USP34: variants seen among roughly 807,000 people sequenced by gnomAD.
USP34 encodes ubiquitin carboxyl-terminal hydrolase 34.
USP34 carries 70 observed loss-of-function variants against 460.3 expected under a neutral mutation model. The observed-to-expected ratio is 0.15, with a 90% confidence interval of 0.13 to 0.19. The LOEUF is 0.19. Among genes scored for constraint, USP34 ranks in the 10% least tolerant of loss-of-function variants. The probability of loss-of-function intolerance (pLI) is 1.00; values close to 1 mark genes in which losing one functional copy is unlikely to be tolerated. For synonymous variants in USP34, 1,647 were observed against 1,405.3 expected (o/e 1.17, Z -3.85); for missense variants, 3,985 against 4,236.2 (o/e 0.94, Z 1.65).
intron 29 of USP34, among the ~76,000 whole-genome samples, chr2:61,300,175 CCT>C (rs1333073775): frequency 1.3e-5 from 2 of 152,100 alleles, no homozygotes; most frequent in Non-Finnish European, 2.9e-5. Flanking sequence ...ATGTGTTTAT[CCT>C]CTGTTTAAAA....
rs1691908115 is a variant in USP34, at chr2:61,350,323, ACTGAGC to A, written c.1438_1443del (p.Ala480_Gln481del). ...GATGCAAAAGAACTCTGTTTAGATAACTGAGCCTTAGCTGCTAGTGCGTTATTCCAC... is the reference window on the plus strand; with the variant it reads ...GATGCAAAAGAACTCTGTTTAGATAACTTAGCTGCTAGTGCGTTATTCCAC... On this transcript the variant is annotated inframe_deletion, in exon 12 of 80. Coordinates refer to ENST00000398571, the MANE Select transcript of USP34 (RefSeq NM_014709.4). 1.2e-6 allele frequency: 2 copies of A among 1,613,564 alleles called. No homozygotes were observed. The highest frequency in any genetic ancestry group is 1.7e-5 in the Admixed American group (1 of 59,990).
intron 1 of USP34, among the ~76,000 whole-genome samples, chr2:61,440,912 G>A (rs1272772113): frequency 2.6e-5 from 4 of 151,830 alleles, no homozygotes; most frequent in African/African-American, 9.7e-5. Flanking sequence ...TGGATCATGA[G>A]GTCAGGAGAT....
chr2:61,429,229 C>G (rs1431321294), intron 1 of USP34, among the ~76,000 whole-genome samples: 5 of 151,790 alleles, frequency 3.3e-5, no homozygotes, highest in Non-Finnish European at 1.5e-5. Flanking sequence ...AGGCGGATCA[C>G]GAGGTCAGGA....
At chr2:61,405,556 C>T (rs1315350356) in intron 3 of USP34, 152 bp downstream of exon 3, 1 of 817,352 alleles carries the variant, frequency 1.2e-6, no homozygotes. Context: ...GCACAAACTG[C>T]TGAAGAAATG....
At chr2:61,296,743 A>C in intron 30 of USP34, 57 bp downstream of exon 30, 1 of 1,558,746 alleles carries the variant, frequency 6.4e-7, no homozygotes, top group East Asian at 2.3e-5. Flanking sequence ...TACACTGTCA[A>C]TAGGAATGTA....
intron 79 of USP34, 48 bp downstream of exon 79, chr2:61,188,862 C>T: frequency 6.2e-7 from 1 of 1,605,916 alleles, no homozygotes; most frequent in Non-Finnish European, 8.5e-7. Context: ...AAGTGTATTA[C>T]TCCCTCCTCC....
At chr2:61,417,895 C>T (rs1694244638) in intron 2 of USP34, among the ~76,000 whole-genome samples, 1 of 150,566 alleles carries the variant, frequency 6.6e-6, no homozygotes, top group Admixed American at 6.6e-5. Context: ...ATGAGCACCC[C>T]ACGCCTGGCT....
chr2:61,323,249 C>T (rs1047858445), intron 21 of USP34, among the ~76,000 whole-genome samples: 4 of 152,164 alleles, frequency 2.6e-5, no homozygotes, highest in South Asian at 2.1e-4. Context: ...CAGCGGCTCA[C>T]GCCTGTAATC....
At position 61,192,918 on chromosome 2, in the gene USP34, C is replaced by G; in HGVS notation, c.9571G>C (p.Glu3191Gln). 1 of 1,613,792 alleles carries G rather than the reference C, an allele frequency of 6.2e-7. No individual in the cohort carries two copies. Residue 3191 changes from glutamate to glutamine, a missense_variant, in exon 76 of 80, where the codon GAG becomes CAG. Around this residue, in one of 14 missense-constraint regions of USP34, gnomAD observed 506 missense variants for 439.0 expected, o/e 1.15. Coordinates refer to ENST00000398571, the MANE Select transcript of USP34 (RefSeq NM_014709.4). ...HLALFPKLWT[E>Q]LCQTQSAMSK... ...TTCTTTACCTGAGTCTGGCATAGCTCAGTCCAAAGTTTGGGGAACAGTGCA... is the reference window on the plus strand; with the variant it reads ...TTCTTTACCTGAGTCTGGCATAGCTGAGTCCAAAGTTTGGGGAACAGTGCA...
chr2:61,470,668 C>G lies in USP34; in HGVS notation c.25G>C (p.Val9Leu), dbSNP rs1366212953. Residue 9 changes from valine to leucine, a missense_variant, in exon 1 of 80, where the codon GTG becomes CTG. Transcript: ENST00000398571. ...TACTTACTTTCATTTAACACCTCCA[C>G]CAGGTCTGCGCAGTTCTCGCACATC... is the stretch of plus-strand genomic sequence containing the variant. MCENCADL[V>L]EVLNEISDVE... 5 of 1,597,200 alleles carry G rather than the reference C, an allele frequency of 3.1e-6. No homozygotes were observed. The Admixed American group carries it at 6.8e-5, about 22-fold the overall frequency.
In USP34 at chr2:61,394,859, C is replaced by T; in HGVS notation, c.747G>A (p.Val249=). The T allele has an allele frequency of 6.4e-7, 1 of 1,566,280 alleles. No individual in the cohort carries two copies. Residue 249 remains valine (V), a synonymous_variant, in exon 5 of 80, where the codon GTG becomes GTA. Coordinates refer to ENST00000398571, the MANE Select transcript of USP34 (RefSeq NM_014709.4). ...AATTCAAAACAATACTTACATTAGACACAACTGTAATAAACGCATGTGCTA... is the reference window on the plus strand; with the variant it reads ...AATTCAAAACAATACTTACATTAGATACAACTGTAATAAACGCATGTGCTA... ...FLIAHAFITV[V]SNIRIWLHIP...
In USP34 at chr2:61,348,845, T is replaced by G. The variant is rs1691851220; in HGVS notation, c.1585A>C (p.Thr529Pro). ...ASPQSSDNSD[T>P]HQSGGSDIEM... ...ATGTCACTACCTCCACTTTGATGTG[T>G]ATCGCTATTATCACTGCTTTGAGGA... is the stretch of plus-strand genomic sequence containing the variant. Residue 529 changes from threonine (T) to proline (P), a missense_variant, in exon 14 of 80, where the codon ACA (threonine) becomes CCA (proline). By Grantham distance (38) the Thr-to-Pro change is conservative. Transcript: ENST00000398571. The G allele has an allele frequency of 6.2e-7, 1 of 1,613,778 alleles. No homozygotes were observed. Among genetic ancestry groups the G allele is most frequent in the Non-Finnish European group, 8.5e-7 (1 of 1,179,808 alleles).
Position 61,293,983 on chromosome 2 carries a change from C to A in USP34, c.4462-433G>T, listed in dbSNP as rs551874891. ...TCAGCCATGATCATGCCACTGCAAT[C>A]CAGCCTGGGTGACAAGGTGAGACCC... On this transcript the variant is annotated intron_variant, in intron 32 of 79. Transcript: ENST00000398571. Among the ~76,000 whole-genome samples the A allele has an allele frequency of 7.9e-5, 12 of 152,094 alleles. No individual in the cohort carries two copies. In the South Asian group the frequency reaches 2.5e-3, roughly 32 times the overall value.
intron 10 of USP34, among the ~76,000 whole-genome samples, chr2:61,366,351 T>G (rs562777829): frequency 1.3e-5 from 2 of 152,164 alleles, no homozygotes; most frequent in African/African-American, 2.4e-5. Context: ...GGGCTCAGAA[T>G]AAGAGATTTG....
rs1226706758 is a variant in USP34 at position 61,309,502 on chromosome 2, G to C, written c.3817+2038C>G. The stretch of plus-strand genomic sequence containing the variant: ...GGAAAAATGCATTGAGGGTTATCAT[G>C]ACCAAGACCCCTGCTGCCACTGTAC... On this transcript the variant is annotated intron_variant, in intron 27 of 79. Transcript: ENST00000398571. Among the ~76,000 whole-genome samples the C allele has an allele frequency of 2.0e-5, 3 of 152,282 alleles. No individual in the cohort carries two copies. The East Asian group carries it at 5.8e-4, about 29-fold the overall frequency.
At position 61,301,457 on chromosome 2, in the gene USP34, T is replaced by C. The variant is rs769385280; in HGVS notation, c.3818-3A>G. The C allele has an allele frequency of 5.0e-6, 8 of 1,607,828 alleles. No individual in the cohort carries two copies. In the East Asian group the frequency reaches 1.3e-4, roughly 27 times the overall value. ...CCTGACAGGTCCCATGAGGCCTCCT[T>C]AAAAACAGCAAAACATGGAAATGAA... On this transcript the variant is annotated splice_polypyrimidine_tract_variant and splice_region_variant and intron_variant, in intron 27 of 79. Transcript: ENST00000398571.
chr2:61,251,153 ATAAATAAG>A (rs953263298), intron 48 of USP34, among the ~76,000 whole-genome samples: 13 of 152,158 alleles, frequency 8.5e-5, no homozygotes, highest in Admixed American at 5.9e-4. Flanking sequence ...AAATAAATAA[ATAAATAAG>A]TAAATAAATA....
chr2:61,262,782 T>G (rs113525510), intron 43 of USP34, among the ~76,000 whole-genome samples: 8 of 152,254 alleles, frequency 5.3e-5, no homozygotes, highest in Non-Finnish European at 1.2e-4. Flanking sequence ...ATGGCTGAAC[T>G]AATTTACATT....
intron 3 of USP34, among the ~76,000 whole-genome samples, chr2:61,399,102 C>G (rs1269509816): frequency 2.0e-5 from 3 of 151,968 alleles, no homozygotes; most frequent in Non-Finnish European, 4.4e-5. Context: ...TGCCTGTAAT[C>G]CCAACACTTT....
Sources: gnomAD v4.1 joint callset for allele counts (sites outside exome capture counted in the v4.1 genomes callset) on GRCh38, gnomAD v4.1.1 for gene constraint, gnomAD v4.1.1 regional missense constraint, MANE v1.5 for transcripts, NCBI Gene and HGNC (gene_info 2026-07-23, HGNC 2026-07-21) for gene names.